Variants in ZHX3 observed in about 807,000 individuals in gnomAD.
ZHX3 encodes zinc fingers and homeoboxes protein 3.
Under a neutral mutation model 64.5 loss-of-function variants are expected in ZHX3, and 20 were observed. The ratio of observed to expected loss-of-function variants is 0.31; its 90% CI spans 0.22 to 0.45. ZHX3 has a LOEUF of 0.45. ZHX3 is among the 20% of genes least tolerant of loss of function. ZHX3 has a pLI of 1.00. For missense variants in ZHX3, 1,041 were observed against 1,195.8 expected, an observed-to-expected ratio of 0.87 and a Z score of 1.91; for synonymous variants, 423 against 461.6, an observed-to-expected ratio of 0.92 and a Z score of 1.07.
intron 1 of ZHX3, chr20:41,269,371 C>T (rs1390312998): frequency 6.6e-6 from 1 of 152,174 alleles, no homozygotes; most frequent in Non-Finnish European, 1.5e-5. Flanking sequence ...TGTCTCTCTC[C>T]CAGCTAAGTT....
chr20:41,254,156 A>C (rs956780637), intron 2 of ZHX3, among the ~76,000 whole-genome samples: 14 of 152,122 alleles, frequency 9.2e-5, no homozygotes, highest in Admixed American at 8.5e-4. Flanking sequence ...AGAAAACTTT[A>C]ATGCCATGAG....
intron 2 of ZHX3, among the ~76,000 whole-genome samples, chr20:41,255,755 A>G (rs2042217662): frequency 6.6e-6 from 1 of 152,188 alleles, no homozygotes; most frequent in African/African-American, 2.4e-5. Flanking sequence ...TGAGGTTACA[A>G]CTTGGAATCT....
chr20:41,192,137 G>A (rs2037075303), intron 3 of ZHX3, among the ~76,000 whole-genome samples: 1 of 152,196 alleles, frequency 6.6e-6, no homozygotes, highest in African/African-American at 2.4e-5. Context: ...GGCAGTGGCT[G>A]CAACAGGCTG....
At chr20:41,250,738 C>T (rs1261362561) in intron 2 of ZHX3, among the ~76,000 whole-genome samples, 1 of 152,194 alleles carries the variant, frequency 6.6e-6, no homozygotes, top group Non-Finnish European at 1.5e-5. Flanking sequence ...CACACTAAGA[C>T]ACATCTTAAT....
At chr20:41,263,712 T>TA (rs76848909) in intron 2 of ZHX3, among the ~76,000 whole-genome samples, 5 of 151,508 alleles carry the variant, frequency 3.3e-5, no homozygotes, top group East Asian at 1.9e-4. Flanking sequence ...GATTTTTTTT[T>TA]AAAAAAGAAA....
chr20:41,230,238 A>T (rs759815565), intron 2 of ZHX3, among the ~76,000 whole-genome samples: 12 of 151,930 alleles, frequency 7.9e-5, no homozygotes, highest in Non-Finnish European at 1.5e-4. Flanking sequence ...GACACTTATC[A>T]CGTATTGGCT....
At position 41,202,147 on chromosome 20, in the gene ZHX3, A is replaced by T. The variant is rs772916562; in HGVS notation, c.2770T>A (p.Ser924Thr). ...KGMGDTYSEV[S>T]ENSESWEPRV... ...GGCTCCCACGACTCACTGTTCTCAGACACCTCTGAATAGGTGTCACCCATC... is the reference window on the plus strand; with the variant it reads ...GGCTCCCACGACTCACTGTTCTCAGTCACCTCTGAATAGGTGTCACCCATC... Residue 924 changes from serine (S) to threonine (T), a missense_variant, in exon 3 of 4, where the codon TCT (serine) becomes ACT (threonine). This residue lies in a region of ZHX3 where 649 missense variants were observed against 739.8 expected (regional missense o/e 0.88). Coordinates refer to ENST00000683867, the MANE Select transcript of ZHX3 (RefSeq NM_001384317.1). The surrounding 1 kb of genome is among the most constrained non-coding windows in gnomAD (Gnocchi z 7.0). 70 of 1,613,964 alleles carry T rather than the reference A, an allele frequency of 4.3e-5. No individual in the cohort carries two copies. Among genetic ancestry groups the T allele is most frequent in the Non-Finnish European group, 5.0e-5 (59 of 1,180,012 alleles).
chr20:41,204,623 T>A lies in ZHX3; in HGVS notation c.294A>T (p.Ser98=), dbSNP rs772414539. 6.2e-7 allele frequency: 1 copy of A among 1,614,272 alleles called. No homozygotes were observed. The highest frequency in any genetic ancestry group is 1.1e-5 in the South Asian group (1 of 91,086). Residue 98 remains serine, a synonymous_variant, in exon 3 of 4, where the codon TCA becomes TCT. Coordinates refer to ENST00000683867, the MANE Select transcript of ZHX3 (RefSeq NM_001384317.1). The surrounding 1 kb of genome is among the most constrained non-coding windows in gnomAD (Gnocchi z 6.6). ...DMTQFVGHMN[S]EHTDFNKDPT... ...GGTCTTTATTAAAGTCTGTGTGCTCTGAGTTCATATGTCCCACAAATTGGG... is the reference window on the plus strand; with the variant it reads ...GGTCTTTATTAAAGTCTGTGTGCTCAGAGTTCATATGTCCCACAAATTGGG...
intron 2 of ZHX3, among the ~76,000 whole-genome samples, chr20:41,225,913 C>G (rs1322456200): frequency 6.6e-6 from 1 of 152,216 alleles, no homozygotes; most frequent in African/African-American, 2.4e-5. Context: ...AATAACTATT[C>G]CCCTTACTCT....
Position 41,204,648 on chromosome 20 carries a change from G to T in ZHX3, c.269C>A (p.Thr90Asn). The T allele has an allele frequency of 6.2e-7, 1 of 1,614,226 alleles. No homozygotes were observed. The highest frequency in any genetic ancestry group is 8.5e-7 in the Non-Finnish European group (1 of 1,180,042). The change falls in exon 3 of 4, where the codon ACC becomes AAC. Residue 90 changes from threonine to asparagine, a missense_variant. Transcript: ENST00000683867. This position sits in a 1 kb window ranked among gnomAD's most constrained non-coding sequence, Gnocchi z 6.6. ...KYCDFRSHDM[T>N]QFVGHMNSEH... is the part of the protein sequence containing the mutation. ...TGAGTTCATATGTCCCACAAATTGG[G>T]TCATGTCATGGGATCTGAAATCGCA...
chr20:41,237,433 A>T (rs1458019781), intron 2 of ZHX3, among the ~76,000 whole-genome samples: 1 of 152,250 alleles, frequency 6.6e-6, no homozygotes, highest in African/African-American at 2.4e-5. Flanking sequence ...CTATGCAGCC[A>T]TAAAAAATGA....
At chr20:41,271,590 G>T (rs1333836573) in intron 1 of ZHX3, among the ~76,000 whole-genome samples, 1 of 151,952 alleles carries the variant, frequency 6.6e-6, no homozygotes, top group Non-Finnish European at 1.5e-5. Context: ...ACATTTGCTG[G>T]AGAAAAAAGT....
chr20:41,253,828 T>C (rs1025599750), intron 2 of ZHX3, among the ~76,000 whole-genome samples: 14 of 152,062 alleles, frequency 9.2e-5, no homozygotes, highest in African/African-American at 3.1e-4. Flanking sequence ...GATGACTAGA[T>C]AGAGGGAAAG....
intron 1 of ZHX3, among the ~76,000 whole-genome samples, chr20:41,286,852 T>A (rs373109681): frequency 1.3e-5 from 2 of 152,196 alleles, no homozygotes; most frequent in Non-Finnish European, 2.9e-5. Context: ...GCTGTTCTCA[T>A]GATAGTGAGG....
In ZHX3 at chr20:41,228,983, T is replaced by C. The variant is rs2040435869; in HGVS notation, c.-150-23917A>G. Among the ~76,000 whole-genome samples the C allele has an allele frequency of 6.6e-6, 1 of 152,166 alleles. No homozygotes were observed. Among genetic ancestry groups the C allele is most frequent in the African/African-American group, 2.4e-5 (1 of 41,444 alleles). ...AGCATTAAGTATTAACACAGTCACA[T>C]TGTTGTACAACCATCATCACCATCT... On this transcript the variant is annotated intron_variant, in intron 2 of 3. Coordinates refer to ENST00000683867, the MANE Select transcript of ZHX3 (RefSeq NM_001384317.1). This position sits in a 1 kb window ranked among gnomAD's most constrained non-coding sequence, Gnocchi z 4.6.
rs146008515 is a variant in ZHX3 at position 41,186,838 on chromosome 20, GT to G, written c.2861-1638del. Among the ~76,000 whole-genome samples, 237 of 152,262 alleles carry G rather than the reference GT, an allele frequency of 1.6e-3. 2 individuals carry two copies. The highest frequency in any genetic ancestry group is 0.011 in the South Asian group (53 of 4,818). On this transcript the variant is annotated intron_variant, in intron 3 of 3. Coordinates refer to ENST00000683867, the MANE Select transcript of ZHX3 (RefSeq NM_001384317.1). The stretch of plus-strand genomic sequence containing the variant: ...GTTTTTGAATTGGTTTTGTTGTTCA[GT>G]TTTAGGAGTTCTATACATATTCTGA...
intron 2 of ZHX3, among the ~76,000 whole-genome samples, chr20:41,230,562 C>T (rs1351362503): frequency 6.6e-6 from 1 of 152,116 alleles, no homozygotes; most frequent in Admixed American, 6.5e-5. Flanking sequence ...ATGTAAAATA[C>T]AGACCAGATT....
intron 2 of ZHX3, among the ~76,000 whole-genome samples, chr20:41,251,541 T>C (rs1050826941): frequency 4.6e-5 from 7 of 152,098 alleles, no homozygotes; most frequent in Non-Finnish European, 2.9e-5. Flanking sequence ...AAATAATAAA[T>C]GGCAGATTAA....
Position 41,280,588 on chromosome 20 carries a change from GT to G in ZHX3, c.-244-11506del, listed in dbSNP as rs199793357. Among the ~76,000 whole-genome samples, 516 of 151,784 alleles carry G rather than the reference GT, an allele frequency of 3.4e-3. 3 individuals are homozygous for G. The highest frequency in any genetic ancestry group is 0.012 in the African/African-American group (491 of 41,422). ...ATGTTTTTCTGTTTTTTTGTTTTTT[GT>G]TTTTTTTAGTAGAGACGGGGTTTCA... is the stretch of plus-strand genomic sequence containing the variant. On this transcript the variant is annotated intron_variant, in intron 1 of 3. Transcript: ENST00000683867.
Sources: gnomAD v4.1 joint callset for allele counts (sites outside exome capture counted in the v4.1 genomes callset) on GRCh38, gnomAD v4.1.1 for gene constraint, gnomAD v4.1.1 regional missense constraint, Gnocchi (gnomAD v3.1) non-coding constraint, MANE v1.5 for transcripts, NCBI Gene and HGNC (gene_info 2026-07-23, HGNC 2026-07-21) for gene names.